MTUS2: variants seen among roughly 807,000 people sequenced by gnomAD.
MTUS2 encodes microtubule associated scaffold protein 2, also known as microtubule-associated tumor suppressor candidate 2.
A neutral mutation model predicts 114.1 loss-of-function variants in MTUS2; 40 were observed. That is an observed-to-expected ratio of 0.35 (90% CI 0.27 to 0.46). The LOEUF (loss-of-function observed/expected upper bound fraction) is 0.46. Ranked by LOEUF, MTUS2 falls within the 20% of genes least tolerant of loss-of-function variation. The pLI is 1.00. For synonymous variants in MTUS2, 688 were observed against 672.0 expected (o/e 1.02, Z -0.37); for missense variants, 1,679 against 1,705.4 (o/e 0.98, Z 0.27).
intron 2 of MTUS2, among the ~76,000 whole-genome samples, chr13:28,931,875 G>A (rs908833159): frequency 3.9e-5 from 6 of 151,950 alleles, no homozygotes; most frequent in Admixed American, 2.0e-4. Flanking sequence ...TCCCCTTCCT[G>A]TGTCCATGTG....
chr13:29,249,664 C>T lies in MTUS2; in HGVS notation c.2645-32040C>T, dbSNP rs1258205815. Among the ~76,000 whole-genome samples, 9 of 152,002 alleles carry T rather than the reference C, an allele frequency of 5.9e-5. No homozygotes were observed. The East Asian group carries it at 1.5e-3, about 26-fold the overall frequency. On this transcript the variant is annotated intron_variant, in intron 5 of 15. Transcript: ENST00000612955. ...CCACTTTTTGATGGGGTTGTTTTTT[C>T]TTGTAAATTTGTTTAAGTTCTTTGT...
chr13:28,936,703 C>G (rs1478482528), intron 2 of MTUS2, among the ~76,000 whole-genome samples: 1 of 152,156 alleles, frequency 6.6e-6, no homozygotes, highest in African/African-American at 2.4e-5. Flanking sequence ...TCAGGCATTT[C>G]CGGTGTCCCC....
chr13:29,171,591 A>G (rs764433372), intron 5 of MTUS2, among the ~76,000 whole-genome samples: 4 of 152,230 alleles, frequency 2.6e-5, no homozygotes, highest in Non-Finnish European at 4.4e-5. Context: ...CATGTAAGTT[A>G]CATCAGTTAG....
At chr13:29,214,049 A>T (rs900257247) in intron 5 of MTUS2, among the ~76,000 whole-genome samples, 26 of 152,128 alleles carry the variant, frequency 1.7e-4, no homozygotes, top group African/African-American at 6.3e-4. Context: ...TTCTAGCTTC[A>T]AGTGGTATTA....
chr13:29,071,409 A>ATTTTTTTTTTTTTTTTT (rs751020009), intron 4 of MTUS2, among the ~76,000 whole-genome samples: 12 of 46,142 alleles, frequency 2.6e-4, no homozygotes, highest in Non-Finnish European at 3.8e-4. Flanking sequence ...TGTTGCTTGA[A>ATTTTTTTTTTTTTTTTT]TTTTTTTTTT....
intron 5 of MTUS2, among the ~76,000 whole-genome samples, chr13:29,139,346 G>C (rs915180213): frequency 6.6e-6 from 1 of 152,068 alleles, no homozygotes; most frequent in Non-Finnish European, 1.5e-5. Context: ...TTTTCCTCTA[G>C]TGCTTCACAT....
chr13:29,349,196 T>C (rs1869009885), intron 7 of MTUS2, among the ~76,000 whole-genome samples: 1 of 152,176 alleles, frequency 6.6e-6, no homozygotes, highest in Non-Finnish European at 1.5e-5. Context: ...CTCTTATTTT[T>C]GTGTTCTCAG....
In MTUS2 at chr13:29,152,916, C is replaced by T. The variant is rs141382862; in HGVS notation, c.2644+51946C>T. Among the ~76,000 whole-genome samples, 192 of 152,184 alleles carry T rather than the reference C, an allele frequency of 1.3e-3. 1 individual carries two copies. Among genetic ancestry groups the T allele is most frequent in the African/African-American group, 3.1e-3 (127 of 41,522 alleles). On this transcript the variant is annotated intron_variant, in intron 5 of 15. Transcript: ENST00000612955. The stretch of plus-strand genomic sequence containing the variant: ...TGGGGGCAATCTCAGAGGCTGTCTA[C>T]CACAGATAGGGAGGAATTTCCTAAA...
rs777386742 is a variant in MTUS2 at position 29,025,853 on chromosome 13, C to T, written c.1155C>T (p.Asn385=). Residue 385 remains asparagine (N), a synonymous_variant, in exon 3 of 16, where the codon AAC becomes AAT. Coordinates refer to ENST00000612955, the MANE Select transcript of MTUS2 (RefSeq NM_001033602.4). ...ACTGTGAAGAGAAGAGAGGAGTCAACCCAGGGGAGCAGGATTCTCTCCACA... is the reference window on the plus strand; with the variant it reads ...ACTGTGAAGAGAAGAGAGGAGTCAATCCAGGGGAGCAGGATTCTCTCCACA... ...RGNCEEKRGV[N]PGEQDSLHTT... The T allele has an allele frequency of 9.3e-6, 15 of 1,613,270 alleles. No individual in the cohort carries two copies. The Admixed American group carries it at 1.3e-4, about 14-fold the overall frequency.
chr13:29,375,820 T>C (rs1871678960), intron 8 of MTUS2, among the ~76,000 whole-genome samples: 1 of 150,942 alleles, frequency 6.6e-6, no homozygotes, highest in Non-Finnish European at 1.5e-5. Flanking sequence ...AGTGGTATAA[T>C]GGACATTGGA....
chr13:29,232,697 T>C (rs1896382616), intron 5 of MTUS2, among the ~76,000 whole-genome samples: 1 of 152,212 alleles, frequency 6.6e-6, no homozygotes, highest in African/African-American at 2.4e-5. Flanking sequence ...GATTTGACTA[T>C]GTGGAGAGAA....
chr13:29,386,039 GAATA>G (rs1439309337), intron 8 of MTUS2, among the ~76,000 whole-genome samples: 1 of 152,126 alleles, frequency 6.6e-6, no homozygotes, highest in Admixed American at 6.6e-5. Context: ...AGAATGCTCT[GAATA>G]AATGAATGAA....
chr13:29,047,114 A>G lies in MTUS2; in HGVS notation c.2446+12989A>G, dbSNP rs192415211. Among the ~76,000 whole-genome samples the G allele has an allele frequency of 2.4e-4, 36 of 152,312 alleles. No individual in the cohort carries two copies. The East Asian group carries it at 5.4e-3, about 23-fold the overall frequency. Reference sequence around the variant, plus strand: ...TAAGAATCCTTTGTTTGAGTGTTCAATTTCCTTAGGATTTTGAGCATCATT... The same window carrying G: ...TAAGAATCCTTTGTTTGAGTGTTCAGTTTCCTTAGGATTTTGAGCATCATT... On this transcript the variant is annotated intron_variant, in intron 4 of 15. Coordinates refer to ENST00000612955, the MANE Select transcript of MTUS2 (RefSeq NM_001033602.4).
rs1215561483 is a variant in MTUS2, at chr13:29,503,252, C to G, written c.*46C>G. On this transcript the variant is annotated 3_prime_UTR_variant, in exon 16 of 16. Transcript: ENST00000612955. ...GAGCTCCGGCTTCTCGTCCTCCGGT[C>G]TCCACCCTGAGGGAGCACCGACCCG... 6.3e-7 allele frequency: 1 copy of G among 1,598,200 alleles called. No individual in the cohort carries two copies. The highest frequency in any genetic ancestry group is 8.5e-7 in the Non-Finnish European group (1 of 1,170,828).
At chr13:29,494,327 C>T (rs1398569129) in intron 12 of MTUS2, among the ~76,000 whole-genome samples, 1 of 152,236 alleles carries the variant, frequency 6.6e-6, no homozygotes, top group African/African-American at 2.4e-5. Flanking sequence ...CTTTGTGCCT[C>T]TTAGCATGAC....
At chr13:29,302,462 A>T (rs913814923) in intron 6 of MTUS2, among the ~76,000 whole-genome samples, 1 of 152,176 alleles carries the variant, frequency 6.6e-6, no homozygotes, top group Admixed American at 6.5e-5. Context: ...CAGTCCCAGG[A>T]GTGTCACATA....
intron 7 of MTUS2, among the ~76,000 whole-genome samples, chr13:29,358,549 G>A (rs1869949431): frequency 1.3e-5 from 2 of 152,218 alleles, no homozygotes; most frequent in South Asian, 2.1e-4. Context: ...GTGATGACGT[G>A]CCTCACGTGT....
In MTUS2 at chr13:29,337,635, T is replaced by G. The variant is rs142702779; in HGVS notation, c.2905+12924T>G. Among the ~76,000 whole-genome samples, 440 of 150,542 alleles carry G rather than the reference T, an allele frequency of 2.9e-3. 17 individuals are homozygous for G. The East Asian group carries it at 0.067, about 23-fold the overall frequency. ...TTTTTTTTTGAGATGGGGGTCTCAC[T>G]CGGTCACCCAGACTGGAGTGCAGTG... On this transcript the variant is annotated intron_variant, in intron 7 of 15. Coordinates refer to ENST00000612955, the MANE Select transcript of MTUS2 (RefSeq NM_001033602.4).
chr13:29,273,504 C>T (rs759321935), intron 5 of MTUS2, among the ~76,000 whole-genome samples: 95 of 152,152 alleles, frequency 6.2e-4, no homozygotes, highest in Middle Eastern at 6.8e-3. Context: ...GGAACTTGTT[C>T]CAGCCAGGGG....
Sources: allele counts gnomAD v4.1 joint callset (sites outside exome capture counted in the v4.1 genomes callset), GRCh38; gene constraint gnomAD v4.1.1; transcripts MANE v1.5; gene names NCBI Gene and HGNC (gene_info 2026-07-23, HGNC 2026-07-21).